NR3C2: variants seen among roughly 807,000 people sequenced by gnomAD.
The protein encoded by NR3C2 is mineralocorticoid receptor.
In NR3C2, 15 loss-of-function variants were observed where a neutral mutation model predicts 86.4. The observed-to-expected ratio is 0.17, with a 90% CI of 0.12 to 0.27. NR3C2 has a LOEUF of 0.27. NR3C2 is among the 10% of genes least tolerant of loss of function. The probability of loss-of-function intolerance (pLI) is 1.00; values close to 1 mark genes in which losing one functional copy is unlikely to be tolerated. For missense variants in NR3C2, 960 were observed against 1,195.6 expected (o/e 0.80, Z 2.91); for synonymous variants, 458 against 450.5 (o/e 1.02, Z -0.21).
chr4:148,424,284 C>G (rs1749424496), intron 2 of NR3C2, among the ~76,000 whole-genome samples: 1 of 152,186 alleles, frequency 6.6e-6, no homozygotes, highest in Admixed American at 6.5e-5. Context: ...CTTAAAAAGA[C>G]TATCAAGTGT....
chr4:148,195,097 G>A (rs1736379739), intron 3 of NR3C2, among the ~76,000 whole-genome samples: 1 of 152,162 alleles, frequency 6.6e-6, no homozygotes, highest in African/African-American at 2.4e-5. Context: ...TCTAATATAA[G>A]TAGAGCCATA....
intron 8 of NR3C2, among the ~76,000 whole-genome samples, chr4:148,097,743 TTTTTTTTG>T (rs1450303049): frequency 0.019 from 2,211 of 117,290 alleles, 80 homozygotes; most frequent in African/African-American, 0.091. Flanking sequence ...TTTTTTGCGT[TTTTTTTTG>T]TTTTTTTTTT....
At chr4:148,236,429 A>T (rs1738754030) in intron 3 of NR3C2, among the ~76,000 whole-genome samples, 1 of 152,148 alleles carries the variant, frequency 6.6e-6, no homozygotes, top group Admixed American at 6.6e-5. Context: ...ATATGGGTGA[A>T]AAGATAACTT....
At chr4:148,292,093 G>C (rs930217194) in intron 2 of NR3C2, among the ~76,000 whole-genome samples, 4 of 151,884 alleles carry the variant, frequency 2.6e-5, no homozygotes, top group African/African-American at 7.2e-5. Flanking sequence ...TGTAAATCAA[G>C]GATTGTATTT....
intron 2 of NR3C2, among the ~76,000 whole-genome samples, chr4:148,405,586 C>T (rs1748380544): frequency 6.6e-6 from 1 of 152,230 alleles, no homozygotes; most frequent in African/African-American, 2.4e-5. Context: ...GTTTTACCCA[C>T]ACTAAGAACT....
chr4:148,100,761 T>C (rs746248823), intron 8 of NR3C2, among the ~76,000 whole-genome samples: 3 of 152,252 alleles, frequency 2.0e-5, no homozygotes, highest in Non-Finnish European at 4.4e-5. Context: ...GAGATATTTA[T>C]ACATCCATGT....
At chr4:148,355,004 T>C (rs1373397415) in intron 2 of NR3C2, among the ~76,000 whole-genome samples, 1 of 152,174 alleles carries the variant, frequency 6.6e-6, no homozygotes, top group African/African-American at 2.4e-5. Context: ...ACAAAACTAA[T>C]ATCACTAAAT....
intron 2 of NR3C2, among the ~76,000 whole-genome samples, chr4:148,285,756 A>G (rs1355425154): frequency 6.6e-6 from 1 of 152,152 alleles, no homozygotes; most frequent in Non-Finnish European, 1.5e-5. Flanking sequence ...TTGGCACACA[A>G]TGCAACTGCT....
At chr4:148,126,276 A>C (rs1311011312) in intron 6 of NR3C2, among the ~76,000 whole-genome samples, 1 of 152,234 alleles carries the variant, frequency 6.6e-6, no homozygotes, top group African/African-American at 2.4e-5. Flanking sequence ...GTATGAACTA[A>C]GTATATGCAA....
intron 8 of NR3C2, among the ~76,000 whole-genome samples, chr4:148,098,238 T>C (rs936214791): frequency 2.0e-5 from 3 of 152,210 alleles, no homozygotes; most frequent in African/African-American, 7.2e-5. Context: ...TATAACCTTG[T>C]TTTATGCATG....
chr4:148,293,139 G>C (rs563072880), intron 2 of NR3C2, among the ~76,000 whole-genome samples: 1 of 152,186 alleles, frequency 6.6e-6, no homozygotes, highest in Admixed American at 6.5e-5. Flanking sequence ...AATTATATAA[G>C]GAAAGTTTTA....
At chr4:148,085,096 C>T (rs562536919) in intron 8 of NR3C2, among the ~76,000 whole-genome samples, 1 of 152,264 alleles carries the variant, frequency 6.6e-6, no homozygotes, top group Non-Finnish European at 1.5e-5. Flanking sequence ...ATCAATGAGA[C>T]AGAAAATTAA....
At chr4:148,306,162 C>T (rs1020175950) in intron 2 of NR3C2, among the ~76,000 whole-genome samples, 4 of 152,182 alleles carry the variant, frequency 2.6e-5, no homozygotes, top group African/African-American at 9.7e-5. Context: ...TCTAGGCAAT[C>T]TTATCTCCAT....
chr4:148,101,652 G>T (rs951841715), intron 8 of NR3C2, among the ~76,000 whole-genome samples: 15 of 152,178 alleles, frequency 9.9e-5, no homozygotes, highest in Non-Finnish European at 1.8e-4. Context: ...AATAAAGCCA[G>T]CCATGGTCTG....
chr4:148,108,094 CTGTTTTT>C (rs1054650186), intron 8 of NR3C2, among the ~76,000 whole-genome samples: 11 of 152,112 alleles, frequency 7.2e-5, no homozygotes, highest in South Asian at 2.1e-4. Flanking sequence ...GTGTCACTGA[CTGTTTTT>C]TGTTTTTTGT....
intron 2 of NR3C2, among the ~76,000 whole-genome samples, chr4:148,402,316 G>T (rs939344563): frequency 6.6e-6 from 1 of 152,206 alleles, no homozygotes; most frequent in African/African-American, 2.4e-5. Context: ...TAATCAAGGT[G>T]AAGCACTTAA....
chr4:148,415,613 C>G (rs982480400), intron 2 of NR3C2, among the ~76,000 whole-genome samples: 1 of 152,116 alleles, frequency 6.6e-6, no homozygotes, highest in South Asian at 2.1e-4. Flanking sequence ...TCCCTCCACC[C>G]GTCTGTCTAG....
At chr4:148,383,504 A>C (rs911414860) in intron 2 of NR3C2, among the ~76,000 whole-genome samples, 2 of 152,194 alleles carry the variant, frequency 1.3e-5, no homozygotes, top group South Asian at 2.1e-4. Context: ...CCTTTGCTGC[A>C]ATTTTATGAA....
intron 2 of NR3C2, among the ~76,000 whole-genome samples, chr4:148,421,361 T>C (rs922393187): frequency 3.3e-5 from 5 of 152,340 alleles, no homozygotes; most frequent in Admixed American, 3.3e-4. Context: ...GTAGAACTGG[T>C]ATTTCACATA....
Sources: gnomAD v4.1 joint callset for allele counts (sites outside exome capture counted in the v4.1 genomes callset) on GRCh38, gnomAD v4.1.1 for gene constraint, MANE v1.5 for transcripts, NCBI Gene and HGNC (gene_info 2026-07-23, HGNC 2026-07-21) for gene names.